The following ADCY1 variants were observed in gnomAD, a reference collection of about 807,000 sequenced individuals.
ADCY1 encodes the protein adenylate cyclase type 1.
In ADCY1, 28 loss-of-function variants were observed where a neutral mutation model predicts 105.4. The ratio of observed to expected loss-of-function variants is 0.27; its 90% CI spans 0.20 to 0.36. The LOEUF (loss-of-function observed/expected upper bound fraction) is 0.36, where lower values mean the gene tolerates loss of function less well. Ranked by LOEUF, ADCY1 falls within the 10% of genes least tolerant of loss-of-function variation. The pLI, the probability that ADCY1 is intolerant of heterozygous loss-of-function variation, is 1.00. For missense variants in ADCY1, 977 were observed against 1,434.2 expected (o/e 0.68, Z 5.15); for synonymous variants, 655 against 623.8 (o/e 1.05, Z -0.75).
At chr7:45,645,451 T>G (rs552898839) in intron 4 of ADCY1, among the ~76,000 whole-genome samples, 11 of 152,268 alleles carry the variant, frequency 7.2e-5, no homozygotes, top group Non-Finnish European at 1.5e-4. Context: ...GTGGGCTGTT[T>G]GGAGCAGCTG....
At chr7:45,649,596 G>A (rs1794756861) in intron 5 of ADCY1, among the ~76,000 whole-genome samples, 2 of 152,350 alleles carry the variant, frequency 1.3e-5, no homozygotes, top group South Asian at 2.1e-4. Flanking sequence ...ACCCCACCCA[G>A]CTAGGCTGAG....
intron 3 of ADCY1, among the ~76,000 whole-genome samples, chr7:45,622,405 C>G (rs1793925154): frequency 6.6e-6 from 1 of 152,100 alleles, no homozygotes; most frequent in Admixed American, 6.6e-5. Context: ...ATGGCCTCAG[C>G]ATTTACTCCC....
Position 45,609,564 on chromosome 7 carries a change from T to C in ADCY1, c.790-815T>C, listed in dbSNP as rs182503404. 2.4e-4 allele frequency among the ~76,000 whole-genome samples: 36 copies of C among 152,316 alleles called. 1 individual carries two copies. Among genetic ancestry groups the C allele is most frequent in the Admixed American group, 2.0e-3 (31 of 15,302 alleles). ...TACGTGGGATTTAAACTCTGCTCTT[T>C]TGCTTTTCTTTTCAAAGCAGAGTGG... is the stretch of plus-strand genomic sequence containing the variant. On this transcript the variant is annotated intron_variant, in intron 2 of 19. Transcript: ENST00000297323.
At chr7:45,587,637 C>G (rs148876872) in intron 1 of ADCY1, among the ~76,000 whole-genome samples, 2 of 151,994 alleles carry the variant, frequency 1.3e-5, no homozygotes, top group African/African-American at 4.8e-5. Context: ...GACTATGGGA[C>G]GTCTTGGGTT....
Position 45,625,793 on chromosome 7 carries a change from A to G in ADCY1, c.1020+3050A>G, listed in dbSNP as rs985586506. On this transcript the variant is annotated intron_variant, in intron 4 of 19. Coordinates refer to ENST00000297323, the MANE Select transcript of ADCY1 (RefSeq NM_021116.4). ...TCTTGGAGACCTTTGGCAGCACAGA[A>G]CACAGTCACCTCATGAGAAATGGGG... Among the ~76,000 whole-genome samples the G allele has an allele frequency of 7.2e-5, 11 of 152,212 alleles. 1 individual carries two copies. Among genetic ancestry groups the G allele is most frequent in the Admixed American group, 2.6e-4 (4 of 15,286 alleles).
intron 8 of ADCY1, 23 bp from the exon 9 acceptor site, chr7:45,677,846 C>G: frequency 1.9e-6 from 3 of 1,607,620 alleles, no homozygotes; most frequent in South Asian, 2.2e-5. Flanking sequence ...GATGATACTC[C>G]TTTATTTCCA....
intron 11 of ADCY1, among the ~76,000 whole-genome samples, chr7:45,682,815 T>G (rs1342388785): frequency 6.6e-6 from 1 of 152,144 alleles, no homozygotes. Flanking sequence ...TTTTCACCAG[T>G]TATGATACTC....
intron 8 of ADCY1, among the ~76,000 whole-genome samples, chr7:45,665,785 G>A (rs1784232422): frequency 6.6e-6 from 1 of 152,172 alleles, no homozygotes; most frequent in East Asian, 1.9e-4. Flanking sequence ...CACTGCAGGA[G>A]GGAGGGAGGG....
chr7:45,578,405 T>A (rs1189789464), intron 1 of ADCY1, among the ~76,000 whole-genome samples: 1 of 152,154 alleles, frequency 6.6e-6, no homozygotes, highest in African/African-American at 2.4e-5. Context: ...TGACATACAA[T>A]CCATTTTTAT....
At chr7:45,681,483 C>T (rs1350116186) in intron 11 of ADCY1, among the ~76,000 whole-genome samples, 1 of 152,070 alleles carries the variant, frequency 6.6e-6, no homozygotes, top group Non-Finnish European at 1.5e-5. Flanking sequence ...GTGCTAGGTT[C>T]GAAAAGCAGT....
At chr7:45,617,504 C>G (rs377711815) in intron 3 of ADCY1, among the ~76,000 whole-genome samples, 19 of 152,148 alleles carry the variant, frequency 1.2e-4, no homozygotes, top group African/African-American at 4.6e-4. Flanking sequence ...CCCCACTTTC[C>G]CCTTGGCAGG....
chr7:45,616,655 A>T (rs1793746061), intron 3 of ADCY1, among the ~76,000 whole-genome samples: 1 of 152,200 alleles, frequency 6.6e-6, no homozygotes, highest in African/African-American at 2.4e-5. Context: ...TAGGATAAAA[A>T]ATCCCCTCAA....
At position 45,721,752 on chromosome 7, in the gene ADCY1, G is replaced by A. The variant is rs10249706; in HGVS notation, c.*7757G>A. 0.072 allele frequency: 28,656 copies of A among 398,504 alleles called. 1,145 individuals are homozygous for A. Among genetic ancestry groups the A allele is most frequent in the African/African-American group, 0.076 (3,691 of 48,684 alleles). 24.7% of individuals were successfully genotyped at this position (398,504 alleles called of 1,614,324 possible). ...GCAGGAGTTCAGAGGGCTTATGATG[G>A]ATGGTGAGAGATTTGACAACCACCA... On this transcript the variant is annotated 3_prime_UTR_variant, in exon 20 of 20. Coordinates refer to ENST00000297323, the MANE Select transcript of ADCY1 (RefSeq NM_021116.4).
At chr7:45,646,654 A>G (rs1056932086) in intron 4 of ADCY1, among the ~76,000 whole-genome samples, 1 of 152,048 alleles carries the variant, frequency 6.6e-6, no homozygotes, top group African/African-American at 2.4e-5. Context: ...GGACCTACCT[A>G]CCCAGCTCTG....
At chr7:45,594,081 G>C (rs546021790) in intron 2 of ADCY1, among the ~76,000 whole-genome samples, 3 of 152,314 alleles carry the variant, frequency 2.0e-5, no homozygotes, top group Admixed American at 6.5e-5. Flanking sequence ...ATGTGTCCAT[G>C]TATGTGCCTA....
At chr7:45,598,861 C>T (rs543352290) in intron 2 of ADCY1, among the ~76,000 whole-genome samples, 2 of 152,158 alleles carry the variant, frequency 1.3e-5, no homozygotes, top group African/African-American at 4.8e-5. Flanking sequence ...GGACGGAGCT[C>T]GGATTCCCAC....
intron 4 of ADCY1, among the ~76,000 whole-genome samples, chr7:45,628,625 A>G (rs1197082280): frequency 6.6e-6 from 1 of 152,140 alleles, no homozygotes; most frequent in East Asian, 1.9e-4. Flanking sequence ...GAAAATTATT[A>G]AGAAGAGTTC....
chr7:45,685,652 ATGGAGCTGGGGCAGGAGTAACAGGT>A (rs1784656967), intron 12 of ADCY1, among the ~76,000 whole-genome samples: 3 of 151,144 alleles, frequency 2.0e-5, no homozygotes, highest in African/African-American at 7.3e-5. Flanking sequence ...GAGGAACAGG[ATGGAGCTGGGGCAGGAGTAACAGGT>A]TGGAGCTGGG....
chr7:45,685,107 G>A, intron 12 of ADCY1, 39 bp downstream of exon 12: 1 of 1,569,668 alleles, frequency 6.4e-7, no homozygotes, highest in Non-Finnish European at 8.8e-7. Context: ...TGGGGCGGGA[G>A]AGGGCATGGC....
Sources: gnomAD v4.1 joint callset for allele counts (sites outside exome capture counted in the v4.1 genomes callset) on GRCh38, gnomAD v4.1.1 for gene constraint, MANE v1.5 for transcripts, NCBI Gene and HGNC (gene_info 2026-07-23, HGNC 2026-07-21) for gene names.